GRM1: variants seen among roughly 807,000 people sequenced by gnomAD.
GRM1 encodes the protein glutamate metabotropic receptor 1, also known as metabotropic glutamate receptor 1.
A neutral mutation model predicts 90.9 loss-of-function variants in GRM1; 33 were observed. That is an observed-to-expected ratio of 0.36 (90% confidence interval 0.28 to 0.49). The LOEUF is 0.49. Ranked by LOEUF, GRM1 falls within the 20% of genes least tolerant of loss-of-function variation. GRM1 has a pLI of 0.99. For missense variants in GRM1, 1,190 were observed against 1,534.3 expected (o/e 0.78, Z 3.75); for synonymous variants, 700 against 613.2 (o/e 1.14, Z -2.09).
At chr6:146,287,516 C>A (rs980983224) in intron 2 of GRM1, among the ~76,000 whole-genome samples, 1 of 152,164 alleles carries the variant, frequency 6.6e-6, no homozygotes, top group East Asian at 1.9e-4. Context: ...TCCTATACTT[C>A]CACCAAAGCT....
intron 7 of GRM1, among the ~76,000 whole-genome samples, chr6:146,428,865 T>G (rs1241851250): frequency 6.6e-6 from 1 of 152,196 alleles, no homozygotes; most frequent in African/African-American, 2.4e-5. Flanking sequence ...TGAAATAAAT[T>G]GGGTAATGTT....
chr6:146,249,715 G>A (rs558132880), intron 2 of GRM1, among the ~76,000 whole-genome samples: 3 of 152,304 alleles, frequency 2.0e-5, no homozygotes, highest in Non-Finnish European at 4.4e-5. Context: ...GTACTGCCTA[G>A]TGGAGCTGTG....
At chr6:146,078,208 A>G (rs939937081) in intron 1 of GRM1, among the ~76,000 whole-genome samples, 1 of 152,228 alleles carries the variant, frequency 6.6e-6, no homozygotes, top group Non-Finnish European at 1.5e-5. Flanking sequence ...TCACATTGAC[A>G]GCATCTTCAT....
At position 146,219,351 on chromosome 6, in the gene GRM1, A is replaced by C. The variant is rs1779978147; in HGVS notation, c.950+59754A>C. On this transcript the variant is annotated intron_variant, in intron 2 of 7. Transcript: ENST00000282753. The stretch of plus-strand genomic sequence containing the variant: ...AAAGCCACCAGGGGGTGAGAACAAT[A>C]CTTTGGAGTCTTGGGTAGAACTTAT... Among the ~76,000 whole-genome samples, 2 of 152,304 alleles carry C rather than the reference A, an allele frequency of 1.3e-5. 1 individual carries two copies. Among genetic ancestry groups the C allele is most frequent in the East Asian group, 3.9e-4 (2 of 5,178 alleles).
chr6:146,185,053 C>G (rs1044536613), intron 2 of GRM1, among the ~76,000 whole-genome samples: 5 of 152,136 alleles, frequency 3.3e-5, no homozygotes, highest in Non-Finnish European at 5.9e-5. Flanking sequence ...ATTTTTATTT[C>G]CATGCGCACA....
chr6:146,141,826 G>A (rs1040165026), intron 1 of GRM1, among the ~76,000 whole-genome samples: 7 of 152,074 alleles, frequency 4.6e-5, no homozygotes, highest in African/African-American at 7.2e-5. Context: ...TCTTCAAAAC[G>A]GCTATTTGGA....
intron 1 of GRM1, among the ~76,000 whole-genome samples, chr6:146,063,637 A>G (rs542892845): frequency 6.6e-6 from 1 of 151,100 alleles, no homozygotes; most frequent in Non-Finnish European, 1.5e-5. Context: ...TTTTTTCCTT[A>G]TTTAATTCCG....
rs1777062066 is a variant in GRM1 at position 146,398,906 on chromosome 6, G to C, written c.1867G>C (p.Val623Leu). The change falls in exon 7 of 8, where the codon GTC becomes CTC. Residue 623 changes from valine (V) to leucine (L), a missense_variant. This residue lies in a region of GRM1 where 414 missense variants were observed against 598.4 expected (regional missense o/e 0.69). Transcript: ENST00000282753. ...IFVLYRDTPVVKSSSRELCYI... is the reference protein window; with the variant it reads ...IFVLYRDTPVLKSSSRELCYI... ...TGTACTGTACCGGGACACACCAGTG[G>C]TCAAATCCTCCAGTCGGGAGCTCTG... 6.2e-7 allele frequency: 1 copy of C among 1,613,930 alleles called. No individual in the cohort carries two copies. Among genetic ancestry groups the C allele is most frequent in the Non-Finnish European group, 8.5e-7 (1 of 1,179,992 alleles).
At chr6:146,357,131 A>AT (rs1785614334) in intron 4 of GRM1, among the ~76,000 whole-genome samples, 1 of 151,884 alleles carries the variant, frequency 6.6e-6, no homozygotes, top group South Asian at 2.1e-4. Flanking sequence ...TGTAATGAAA[A>AT]TGACAACTTA....
chr6:146,108,407 G>A (rs1361173767), intron 1 of GRM1, among the ~76,000 whole-genome samples: 2 of 152,124 alleles, frequency 1.3e-5, no homozygotes, highest in African/African-American at 4.8e-5. Context: ...AGTCTTACAA[G>A]TTCTAATGGT....
chr6:146,180,679 A>G (rs191292448), intron 2 of GRM1, among the ~76,000 whole-genome samples: 2 of 152,222 alleles, frequency 1.3e-5, no homozygotes, highest in African/African-American at 4.8e-5. Flanking sequence ...GATTGTAACA[A>G]CCAAATGTCA....
At chr6:146,234,263 A>C (rs1485411900) in intron 2 of GRM1, among the ~76,000 whole-genome samples, 1 of 152,076 alleles carries the variant, frequency 6.6e-6, no homozygotes, top group Non-Finnish European at 1.5e-5. Context: ...ATATAACAGC[A>C]TACAAGTGTA....
At chr6:146,097,087 G>T (rs1209558340) in intron 1 of GRM1, among the ~76,000 whole-genome samples, 3 of 152,074 alleles carry the variant, frequency 2.0e-5, no homozygotes, top group African/African-American at 7.2e-5. Context: ...ACTCCAAAAA[G>T]TTGATATTGT....
intron 2 of GRM1, among the ~76,000 whole-genome samples, chr6:146,297,157 G>A (rs1245080633): frequency 1.3e-5 from 2 of 151,826 alleles, no homozygotes; most frequent in Non-Finnish European, 2.9e-5. Flanking sequence ...TGTGAAACGT[G>A]TAAACAATTT....
At chr6:146,409,545 A>G (rs1051082567) in intron 7 of GRM1, among the ~76,000 whole-genome samples, 7 of 151,452 alleles carry the variant, frequency 4.6e-5, no homozygotes, top group African/African-American at 1.7e-4. Context: ...GACGAACATT[A>G]AGTTTTGTTT....
At chr6:146,103,977 C>G (rs1237272349) in intron 1 of GRM1, among the ~76,000 whole-genome samples, 1 of 152,132 alleles carries the variant, frequency 6.6e-6, no homozygotes, top group Non-Finnish European at 1.5e-5. Flanking sequence ...AAAAAACCAT[C>G]TGATCTGAAT....
chr6:146,036,958 CAT>C (rs1390865571), intron 1 of GRM1, among the ~76,000 whole-genome samples: 6 of 151,634 alleles, frequency 4.0e-5, no homozygotes, highest in Admixed American at 2.6e-4. Context: ...TTGGAAGAGA[CAT>C]GTAAATATAT....
chr6:146,115,247 C>G lies in GRM1; in HGVS notation c.701-44101C>G, dbSNP rs200881820. ...ACACACACACACACACACACACACA[C>G]ATATATATACATATACTATACATGT... On this transcript the variant is annotated intron_variant, in intron 1 of 7. Transcript: ENST00000282753. Among the ~76,000 whole-genome samples the G allele has an allele frequency of 3.8e-5, 5 of 133,040 alleles. No individual in the cohort carries two copies. In the South Asian group the frequency reaches 1.2e-3, roughly 33 times the overall value. 87.3% of individuals were successfully genotyped at this position (133,040 alleles called of 152,430 possible).
At chr6:146,103,920 G>T (rs966866834) in intron 1 of GRM1, among the ~76,000 whole-genome samples, 2 of 152,148 alleles carry the variant, frequency 1.3e-5, no homozygotes, top group African/African-American at 4.8e-5. Flanking sequence ...AATTAAAATT[G>T]CCCAGGTATC....
Sources: gnomAD v4.1 joint callset for allele counts (sites outside exome capture counted in the v4.1 genomes callset) on GRCh38, gnomAD v4.1.1 for gene constraint, gnomAD v4.1.1 regional missense constraint, MANE v1.5 for transcripts, NCBI Gene and HGNC (gene_info 2026-07-23, HGNC 2026-07-21) for gene names.